The following SULT2A1 variants were observed in gnomAD, a reference collection of about 807,000 sequenced individuals.
SULT2A1 encodes sulfotransferase family 2A member 1, also known as sulfotransferase 2A1.
SULT2A1 carries 43 observed loss-of-function variants against 33.9 expected under a neutral mutation model. The observed-to-expected ratio is 1.27, with a 90% confidence interval of 1.00 to 1.64. The LOEUF is 1.64. Ranked by LOEUF, SULT2A1 falls within the 40% of genes most tolerant of loss-of-function variation. The pLI is 0.00. For missense variants in SULT2A1, 300 were observed against 335.1 expected, an observed-to-expected ratio of 0.90 and a Z score of 0.82; for synonymous variants, 125 against 113.6, an observed-to-expected ratio of 1.10 and a Z score of -0.64.
Position 47,871,381 on chromosome 19 carries a change from C to T in SULT2A1, c.*74G>A. 3 of 1,085,130 alleles carry T rather than the reference C, an allele frequency of 2.8e-6. No individual in the cohort carries two copies. The highest frequency in any genetic ancestry group is 1.4e-6 in the Non-Finnish European group (1 of 702,962). The allele number at this position is 1,085,130 out of a possible 1,614,324, so 67.2% of individuals were successfully genotyped here. On this transcript the variant is annotated 3_prime_UTR_variant, in exon 6 of 6. Transcript: ENST00000222002. ...TAAAATAATAAGTCTTACACAATGA[C>T]CCCAGTCAGGTACATGTACAAGGAC...
At chr19:47,880,181 G>A (rs746093735) in intron 3 of SULT2A1, among the ~76,000 whole-genome samples, 75 of 139,106 alleles carry the variant, frequency 5.4e-4, no homozygotes, top group Admixed American at 9.9e-4. Context: ...AGCTTGCAGT[G>A]AGCTGAGATC....
chr19:47,873,231 A>G (rs1968509487), intron 5 of SULT2A1, among the ~76,000 whole-genome samples: 3 of 151,328 alleles, frequency 2.0e-5, no homozygotes, highest in African/African-American at 7.3e-5. Flanking sequence ...TGCAAATGGC[A>G]GGATCTCGGC....
chr19:47,874,919 T>C (rs998766138), intron 4 of SULT2A1, 85 bp from the exon 5 acceptor site: 19 of 1,256,482 alleles, frequency 1.5e-5, no homozygotes, highest in Non-Finnish European at 2.1e-5. Flanking sequence ...CCCAGCACTC[T>C]GGGAGGCTGA....
intron 4 of SULT2A1, among the ~76,000 whole-genome samples, chr19:47,877,365 A>G (rs12461808): frequency 0.12 from 17,455 of 146,896 alleles, 1,050 homozygotes; most frequent in East Asian, 0.2. Flanking sequence ...CTGGGTCCTG[A>G]GTAGCTGGGA....
chr19:47,884,593 C>T (rs138642320), intron 1 of SULT2A1, among the ~76,000 whole-genome samples: 2,756 of 151,468 alleles, frequency 0.018, 40 homozygotes, highest in Middle Eastern at 0.045. Context: ...CCTTGTACTT[C>T]GGCCTCCTGC....
In SULT2A1 at chr19:47,879,110, C is replaced by A; in HGVS notation, c.493G>T (p.Asp165Tyr). ...QGTVLYGSWF[D>Y]HIHGWMPMRE... ...ATGGGCATCCAGCCATGAATGTGGT[C>A]AAACCATGACCCATATAGCACTGCA... is the stretch of plus-strand genomic sequence containing the variant. The change falls in exon 4 of 6, where the codon GAC becomes TAC. Residue 165 changes from aspartate (D) to tyrosine (Y), a missense_variant. Transcript: ENST00000222002. The A allele has an allele frequency of 6.2e-7, 1 of 1,613,430 alleles. No individual in the cohort carries two copies. The highest frequency in any genetic ancestry group is 1.1e-5 in the South Asian group (1 of 90,996).
At chr19:47,882,242 A>T in intron 2 of SULT2A1, 32 bp from the exon 3 acceptor site, 1 of 1,602,456 alleles carries the variant, frequency 6.2e-7, no homozygotes, top group South Asian at 1.1e-5. Flanking sequence ...ATGAAAAATC[A>T]ATACAGTCAA....
intron 2 of SULT2A1, among the ~76,000 whole-genome samples, chr19:47,883,174 T>G (rs1410970696): frequency 6.6e-6 from 1 of 152,000 alleles, no homozygotes; most frequent in Non-Finnish European, 1.5e-5. Flanking sequence ...ACATGCTGCT[T>G]CCCATAGGAA....
chr19:47,873,614 C>CTTTTTTTTTTTTTTTTT (rs61271763), intron 5 of SULT2A1, among the ~76,000 whole-genome samples: 1 of 62,098 alleles, frequency 1.6e-5, no homozygotes, highest in African/African-American at 7.8e-5. Flanking sequence ...GGACAGATCT[C>CTTTTTTTTTTTTTTTTT]TTTTTTTTTT....
At chr19:47,886,049 G>A in intron 1 of SULT2A1, 73 bp downstream of exon 1, 1 of 1,547,832 alleles carries the variant, frequency 6.5e-7, no homozygotes. Context: ...CATAAAGGAA[G>A]AACTCCAATC....
chr19:47,885,930 C>T (rs1968651742), intron 1 of SULT2A1, among the ~76,000 whole-genome samples, 192 bp downstream of exon 1: 1 of 152,158 alleles, frequency 6.6e-6, no homozygotes. Flanking sequence ...TTAGATTACC[C>T]CTCTGAACAC....
intron 5 of SULT2A1, among the ~76,000 whole-genome samples, 162 bp downstream of exon 5, chr19:47,874,495 G>A (rs532244641): frequency 2.9e-5 from 4 of 136,480 alleles, no homozygotes; most frequent in African/African-American, 8.4e-5. Flanking sequence ...AGCTGAGATC[G>A]CACCACTGCA....
At chr19:47,872,885 C>G (rs1417274904) in intron 5 of SULT2A1, among the ~76,000 whole-genome samples, 1 of 151,750 alleles carries the variant, frequency 6.6e-6, no homozygotes, top group Non-Finnish European at 1.5e-5. Context: ...CAGCCCCACC[C>G]CAAGTAGCTG....
intron 3 of SULT2A1, among the ~76,000 whole-genome samples, chr19:47,880,840 G>T (rs1222391410): frequency 6.6e-6 from 1 of 151,726 alleles, no homozygotes; most frequent in South Asian, 2.1e-4. Flanking sequence ...CGCCTGCCTC[G>T]GCCTCCCAAA....
chr19:47,881,679 A>G (rs1968605423), intron 3 of SULT2A1, among the ~76,000 whole-genome samples: 1 of 152,130 alleles, frequency 6.6e-6, no homozygotes, highest in African/African-American at 2.4e-5. Context: ...GAGTCATGCA[A>G]TCAGTTCTGA....
chr19:47,872,757 T>C (rs973561505), intron 5 of SULT2A1, among the ~76,000 whole-genome samples: 13 of 144,956 alleles, frequency 9.0e-5, no homozygotes, highest in Admixed American at 8.4e-4. Flanking sequence ...GTCTCAGCAT[T>C]TATCTTTTTT....
At chr19:47,880,130 G>A (rs1279944301) in intron 3 of SULT2A1, among the ~76,000 whole-genome samples, 3 of 150,618 alleles carry the variant, frequency 2.0e-5, no homozygotes, top group South Asian at 2.1e-4. Context: ...CCAGCTACTC[G>A]GGAGGCTGAG....
intron 3 of SULT2A1, among the ~76,000 whole-genome samples, chr19:47,880,928 G>T (rs1424016046): frequency 2.0e-5 from 3 of 152,084 alleles, no homozygotes; most frequent in African/African-American, 7.2e-5. Flanking sequence ...GTGGTGAGGG[G>T]CCTAGGGGAG....
chr19:47,886,088 C>T, intron 1 of SULT2A1, 34 bp downstream of exon 1: 1 of 1,607,266 alleles, frequency 6.2e-7, no homozygotes, highest in South Asian at 1.1e-5. Context: ...AACACAACCA[C>T]AGCCTTTCTC....
Sources: gnomAD v4.1 joint callset for allele counts (sites outside exome capture counted in the v4.1 genomes callset) on GRCh38, gnomAD v4.1.1 for gene constraint, MANE v1.5 for transcripts, NCBI Gene and HGNC (gene_info 2026-07-23, HGNC 2026-07-21) for gene names.